The following STX3 variants were observed in gnomAD, a reference collection of about 807,000 sequenced individuals.
The protein encoded by STX3 is syntaxin-3.
A neutral mutation model predicts 40.2 loss-of-function variants in STX3; 19 were observed. The ratio of observed to expected loss-of-function variants is 0.47; its 90% confidence interval spans 0.33 to 0.69. The LOEUF is 0.69. Among genes scored for constraint, STX3 ranks in the 30% least tolerant of loss-of-function variants. The probability of loss-of-function intolerance (pLI) is 0.02; values close to 1 mark genes in which losing one functional copy is unlikely to be tolerated. For synonymous variants in STX3, 122 were observed against 132.2 expected (o/e 0.92, Z 0.53); for missense variants, 364 against 366.7 (o/e 0.99, Z 0.06).
intron 1 of STX3, among the ~76,000 whole-genome samples, chr11:59,758,237 C>A (rs1862838607): frequency 1.3e-5 from 2 of 152,064 alleles, no homozygotes; most frequent in African/African-American, 4.8e-5. Flanking sequence ...CACCCTCCAG[C>A]ATGGGAAGGA....
At chr11:59,762,392 A>C (rs1029813969) in intron 1 of STX3, among the ~76,000 whole-genome samples, 1 of 152,250 alleles carries the variant, frequency 6.6e-6, no homozygotes, top group African/African-American at 2.4e-5. Flanking sequence ...TAGTTTTCTC[A>C]GCTGTAAGAT....
chr11:59,762,047 T>G (rs554848), intron 1 of STX3, among the ~76,000 whole-genome samples: 16,382 of 152,250 alleles, frequency 0.11, 1,278 homozygotes, highest in African/African-American at 0.21. Context: ...ACTAATGTCC[T>G]CTTTCTGTTC....
At chr11:59,781,963 C>T (rs1864411979) in intron 2 of STX3, among the ~76,000 whole-genome samples, 1 of 152,172 alleles carries the variant, frequency 6.6e-6, no homozygotes, top group South Asian at 2.1e-4. Flanking sequence ...GCAATTAATG[C>T]TCAACTAGAG....
chr11:59,763,361 T>G (rs1158660773), intron 1 of STX3, among the ~76,000 whole-genome samples: 1 of 152,160 alleles, frequency 6.6e-6, no homozygotes, highest in African/African-American at 2.4e-5. Context: ...CTTTTCCCCC[T>G]CTTCTTCCTT....
intron 1 of STX3, among the ~76,000 whole-genome samples, chr11:59,771,742 T>G (rs946945002): frequency 2.0e-5 from 3 of 151,858 alleles, no homozygotes; most frequent in African/African-American, 7.3e-5. Context: ...AGGAGAAGTA[T>G]GGGTGGAGCT....
intron 8 of STX3, among the ~76,000 whole-genome samples, chr11:59,794,802 T>C (rs1311948628): frequency 6.6e-6 from 1 of 152,202 alleles, no homozygotes; most frequent in East Asian, 1.9e-4. Flanking sequence ...ACCAAATAGC[T>C]TGGGTAAACC....
At chr11:59,763,641 A>T (rs1437998790) in intron 1 of STX3, among the ~76,000 whole-genome samples, 1 of 152,248 alleles carries the variant, frequency 6.6e-6, no homozygotes. Context: ...CCCCAGGCTA[A>T]TCCATATTGG....
chr11:59,796,970 G>T (rs753251623), intron 9 of STX3, among the ~76,000 whole-genome samples: 136 of 152,192 alleles, frequency 8.9e-4, no homozygotes, highest in Non-Finnish European at 1.1e-3. Context: ...AATGAGCTGA[G>T]CATGGTGGTG....
chr11:59,778,834 T>C (rs556612615), intron 2 of STX3, among the ~76,000 whole-genome samples: 2 of 148,810 alleles, frequency 1.3e-5, no homozygotes, highest in African/African-American at 4.9e-5. Flanking sequence ...TCTTTTCCTT[T>C]TTTTTTTTTT....
chr11:59,797,406 C>A lies in STX3; in HGVS notation c.*30+10C>A. The A allele has an allele frequency of 6.2e-7, 1 of 1,605,836 alleles. No individual in the cohort carries two copies. On this transcript the variant is annotated intron_variant, in intron 10 of 10. Transcript: ENST00000337979. Reference sequence around the variant, plus strand: ...GCTGCTGCACTGAAATGTAAGTAAACGAGTGGTTCTTGGGGACTCTGGATT... The same window carrying A: ...GCTGCTGCACTGAAATGTAAGTAAAAGAGTGGTTCTTGGGGACTCTGGATT...
chr11:59,774,026 G>T (rs758687567), intron 2 of STX3, among the ~76,000 whole-genome samples: 4 of 150,148 alleles, frequency 2.7e-5, no homozygotes, highest in Admixed American at 1.3e-4. Context: ...CTTAATTCTA[G>T]TGGTAACTGA....
At position 59,788,869 on chromosome 11, in the gene STX3, C is replaced by T. The variant is rs1183214992; in HGVS notation, c.215-4C>T. ...ACGGATTCTGCCTGCCTTTATTTACCCAGAAACCAAGGATGACCTAGAGCA... is the reference window on the plus strand; with the variant it reads ...ACGGATTCTGCCTGCCTTTATTTACTCAGAAACCAAGGATGACCTAGAGCA... On this transcript the variant is annotated splice_polypyrimidine_tract_variant and splice_region_variant and intron_variant, in intron 3 of 10. Transcript: ENST00000337979. The T allele has an allele frequency of 1.2e-6, 2 of 1,611,204 alleles. No individual in the cohort carries two copies. The highest frequency in any genetic ancestry group is 2.2e-5 in the South Asian group (2 of 90,596).
At position 59,781,227 on chromosome 11, in the gene STX3, A is replaced by AG. The variant is rs1405103010; in HGVS notation, c.115-5809dup. On this transcript the variant is annotated intron_variant, in intron 2 of 10. Transcript: ENST00000337979. Reference sequence around the variant, plus strand: ...ATTGAACACAGTAATGAAAAAAAAAAGAAAGAAACAGTATGGAGATTTGCT... The same window carrying AG: ...ATTGAACACAGTAATGAAAAAAAAAAGGAAAGAAACAGTATGGAGATTTGCT... 5.4e-5 allele frequency: 49 copies of AG among 902,528 alleles called. No homozygotes were observed. In the East Asian group the frequency reaches 1.2e-3, roughly 23 times the overall value. 55.9% of individuals were successfully genotyped at this position (902,528 alleles called of 1,614,324 possible). A position where few individuals can be genotyped will look rare whatever the true frequency, so the allele number is the denominator to read the frequency against.
chr11:59,790,402 C>G (rs371503222), intron 4 of STX3, 117 bp from the exon 5 acceptor site: 2 of 772,790 alleles, frequency 2.6e-6, no homozygotes, highest in Non-Finnish European at 4.5e-6. Context: ...GAGGTGACAC[C>G]TACCTGTTAC....
chr11:59,774,962 G>A (rs1220056845), intron 2 of STX3, among the ~76,000 whole-genome samples: 5 of 152,150 alleles, frequency 3.3e-5, no homozygotes, highest in African/African-American at 1.2e-4. Flanking sequence ...TGAAGTTTCT[G>A]CCACCATACT....
At position 59,757,515 on chromosome 11, in the gene STX3, C is replaced by T. The variant is rs550998034; in HGVS notation, c.30+1880C>T. On this transcript the variant is annotated intron_variant, in intron 1 of 10. Transcript: ENST00000337979. ...GGACGCTGAGCAAGTCTCTTTGCCT[C>T]TCCTCGGTGCCTCATGGTTACCCTC... 2.0e-5 allele frequency among the ~76,000 whole-genome samples: 3 copies of T among 152,306 alleles called. No homozygotes were observed. In the East Asian group the frequency reaches 5.8e-4, roughly 29 times the overall value.
Position 59,788,953 on chromosome 11 carries a change from A to T in STX3, c.289+6A>T. The T allele has an allele frequency of 6.2e-7, 1 of 1,605,762 alleles. No individual in the cohort carries two copies. The highest frequency in any genetic ancestry group is 8.5e-7 in the Non-Finnish European group (1 of 1,175,608). On this transcript the variant is annotated splice_donor_region_variant and intron_variant, in intron 4 of 10. Transcript: ENST00000337979. ...CGTCCGGAACAAACTGAAGAGTAAG[A>T]AGGGAACAAAGAAAACAAGGCCGTC...
chr11:59,788,176 C>G (rs1864895446), intron 3 of STX3, among the ~76,000 whole-genome samples: 1 of 152,224 alleles, frequency 6.6e-6, no homozygotes. Context: ...CTGCTCATCT[C>G]CATCTTTAGA....
intron 2 of STX3, among the ~76,000 whole-genome samples, chr11:59,774,532 A>G (rs1445511844): frequency 6.6e-6 from 1 of 152,038 alleles, no homozygotes; most frequent in South Asian, 2.1e-4. Flanking sequence ...ATTGAGTTGC[A>G]TAAGGATTAA....
Sources: allele counts gnomAD v4.1 joint callset (sites outside exome capture counted in the v4.1 genomes callset), GRCh38; gene constraint gnomAD v4.1.1; transcripts MANE v1.5; gene names NCBI Gene and HGNC (gene_info 2026-07-23, HGNC 2026-07-21).